The following COQ2 variants were observed in gnomAD, a reference collection of about 807,000 sequenced individuals.
COQ2 encodes coenzyme Q2, polyprenyltransferase.
COQ2 carries 25 observed loss-of-function variants against 35.7 expected under a neutral mutation model. The observed-to-expected ratio is 0.70, with a 90% CI of 0.51 to 0.98. The LOEUF (loss-of-function observed/expected upper bound fraction) is 0.98, where lower values mean the gene tolerates loss of function less well. COQ2 is among the 50% of genes least tolerant of loss of function. COQ2 has a pLI of 0.00. For synonymous variants in COQ2, 206 were observed against 186.2 expected (o/e 1.11, Z -0.86); for missense variants, 488 against 473.5 (o/e 1.03, Z -0.28).
chr4:83,267,808 A>T (rs1734959206), intron 5 of COQ2, 34 bp from the exon 6 acceptor site: 1 of 1,492,192 alleles, frequency 6.7e-7, no homozygotes, highest in Admixed American at 2.2e-5. Flanking sequence ...CTGTTTTTTG[A>T]GATTTAGTTC....
At chr4:83,277,974 ACACACACACACAC>A (rs1735224819) in intron 2 of COQ2, among the ~76,000 whole-genome samples, 1 of 176 alleles carries the variant, frequency 5.7e-3, no homozygotes, top group East Asian at 0.25. Flanking sequence ...CCATCTCAAA[ACACACACACACAC>A]ACACACACAC....
Position 83,267,612 on chromosome 4 carries a change from C to A in COQ2, c.925G>T (p.Ala309Ser), listed in dbSNP as rs771166601. ...TGGTGAGTCAGATGGGCTCCTACAG[C>A]ACCCAGGGCAGCGTAGTAGGGAGCA... is the stretch of plus-strand genomic sequence containing the variant. The part of the protein sequence containing the change: ...QTAPYYAALG[A>S]VGAHLTHQIY... Residue 309 changes from alanine to serine, a missense_variant, in exon 6 of 7, where the codon GCT becomes TCT. Ala to Ser is a moderately conservative substitution (Grantham distance 99). Coordinates refer to ENST00000647002, the MANE Select transcript of COQ2 (RefSeq NM_001358921.2). 6.9e-6 allele frequency: 11 copies of A among 1,583,518 alleles called. No homozygotes were observed. The Admixed American group carries it at 1.8e-4, about 26-fold the overall frequency.
rs756347745 is a variant in COQ2 at position 83,269,284 on chromosome 4, G to T, written c.762+576C>A. ...TTATGGCATGTTAAATTGGGGCATG[G>T]ACTATCTCATAGTCCATAGTCTTAA... On this transcript the variant is annotated intron_variant, in intron 5 of 6. Coordinates refer to ENST00000647002, the MANE Select transcript of COQ2 (RefSeq NM_001358921.2). Among the ~76,000 whole-genome samples, 119 of 152,106 alleles carry T rather than the reference G, an allele frequency of 7.8e-4. No individual in the cohort carries two copies. In the Middle Eastern group the frequency reaches 0.01, roughly 13 times the overall value.
chr4:83,283,035 A>G (rs1242378540), intron 1 of COQ2, among the ~76,000 whole-genome samples: 2 of 152,210 alleles, frequency 1.3e-5, no homozygotes, highest in Non-Finnish European at 2.9e-5. Flanking sequence ...TTGGAAATGC[A>G]TGCCTCTCAA....
chr4:83,269,006 G>T (rs1734985407), intron 5 of COQ2, among the ~76,000 whole-genome samples: 1 of 151,972 alleles, frequency 6.6e-6, no homozygotes, highest in Non-Finnish European at 1.5e-5. Flanking sequence ...ATTAAAGCTG[G>T]GGGAGAGTTT....
At chr4:83,276,068 T>TATATA (rs1408651634) in intron 2 of COQ2, among the ~76,000 whole-genome samples, 199 of 10,180 alleles carry the variant, frequency 0.02, no homozygotes, top group Admixed American at 0.028. Context: ...TAATATATAT[T>TATATA]TTATATATAA....
At chr4:83,281,294 G>C (rs1271874850) in intron 1 of COQ2, 1 of 152,094 alleles carries the variant, frequency 6.6e-6, no homozygotes, top group Non-Finnish European at 1.5e-5. Flanking sequence ...ATTATTTCCT[G>C]GTACAATTAG....
At chr4:83,273,376 T>C in intron 3 of COQ2, 120 bp downstream of exon 3, 1 of 1,029,360 alleles carries the variant, frequency 9.7e-7, no homozygotes, top group South Asian at 1.7e-5. Context: ...ACTTGCTAAC[T>C]TACAGATGCT....
intron 1 of COQ2, among the ~76,000 whole-genome samples, chr4:83,280,099 G>A (rs1411536594): frequency 6.6e-6 from 1 of 151,954 alleles, no homozygotes; most frequent in Non-Finnish European, 1.5e-5. Context: ...CAAAGTGCTG[G>A]GATTTTAAGT....
chr4:83,273,101 C>A (rs1735087659), intron 3 of COQ2, among the ~76,000 whole-genome samples: 1 of 152,306 alleles, frequency 6.6e-6, no homozygotes, highest in South Asian at 2.1e-4. Context: ...AGACATAGTT[C>A]CTCTTTTTGC....
chr4:83,269,831 C>T, intron 5 of COQ2, 29 bp downstream of exon 5: 1 of 1,504,282 alleles, frequency 6.6e-7, no homozygotes, highest in Non-Finnish European at 8.9e-7. Flanking sequence ...AACAACTAAA[C>T]CAAAGTTAAG....
chr4:83,281,990 C>T (rs1294111021), intron 1 of COQ2, among the ~76,000 whole-genome samples: 1 of 151,420 alleles, frequency 6.6e-6, no homozygotes, highest in Non-Finnish European at 1.5e-5. Flanking sequence ...CCATATGACA[C>T]TTTCATTCCC....
Position 83,279,021 on chromosome 4 carries a change from C to G in COQ2, c.347G>C (p.Gly116Ala), listed in dbSNP as rs1252636706. 2 of 1,606,798 alleles carry G rather than the reference C, an allele frequency of 1.2e-6. No individual in the cohort carries two copies. Among genetic ancestry groups the G allele is most frequent in the South Asian group, 2.2e-5 (2 of 89,460 alleles). ...FPDWYMLSLFGTGAILMRGAG... is the reference protein window; with the variant it reads ...FPDWYMLSLFATGAILMRGAG... ...TCCACGCATCAGAATAGCTCCAGTGCCAAAGAGGGAGAGCATGTACCAATC... is the reference window on the plus strand; with the variant it reads ...TCCACGCATCAGAATAGCTCCAGTGGCAAAGAGGGAGAGCATGTACCAATC... The change falls in exon 2 of 7, where the codon GGC (glycine) becomes GCC (alanine). Residue 116 changes from glycine (G) to alanine (A), a missense_variant. By Grantham distance (60) the Gly-to-Ala change is moderately conservative. Coordinates refer to ENST00000647002, the MANE Select transcript of COQ2 (RefSeq NM_001358921.2).
chr4:83,279,094 G>C lies in COQ2; in HGVS notation c.274C>G (p.Pro92Ala), dbSNP rs1025584033. 11 of 1,575,908 alleles carry C rather than the reference G, an allele frequency of 7.0e-6. No homozygotes were observed. The highest frequency in any genetic ancestry group is 5.8e-5 in the Admixed American group (3 of 52,110). ...GCCAAACCAATGCTCCAGGTACATG[G>C]TAAATACAGAAGCCAGGTTCCTAAG... Reference protein sequence around the residue: ...KPIGTWLLYLPCTWSIGLAAE... With the variant: ...KPIGTWLLYLACTWSIGLAAE... Residue 92 changes from proline to alanine, a missense_variant, in exon 2 of 7, where the codon CCA becomes GCA. By Grantham distance (27) the Pro-to-Ala change is conservative. Transcript: ENST00000647002.
intron 2 of COQ2, among the ~76,000 whole-genome samples, chr4:83,275,104 G>A (rs140086610): frequency 6.6e-6 from 1 of 152,234 alleles, no homozygotes; most frequent in Admixed American, 6.5e-5. Flanking sequence ...TATGATTGCT[G>A]CTTTAAAAAT....
rs1285307318 is a variant in COQ2 at position 83,279,071 on chromosome 4, C to T, written c.297G>A (p.Leu99=). ...LYLPCTWSIG[L]AAEPGCFPDW... Reference sequence around the variant, plus strand: ...CTGGAAAACAACCTGGTTCAGCTGCCAAACCAATGCTCCAGGTACATGGTA... The same window carrying T: ...CTGGAAAACAACCTGGTTCAGCTGCTAAACCAATGCTCCAGGTACATGGTA... Residue 99 remains leucine (L), a synonymous_variant, in exon 2 of 7, where the codon TTG becomes TTA. Coordinates refer to ENST00000647002, the MANE Select transcript of COQ2 (RefSeq NM_001358921.2). 1.3e-6 allele frequency: 2 copies of T among 1,593,636 alleles called. No individual in the cohort carries two copies. The highest frequency in any genetic ancestry group is 1.7e-6 in the Non-Finnish European group (2 of 1,169,802).
chr4:83,267,714 T>C lies in COQ2; in HGVS notation c.823A>G (p.Thr275Ala), dbSNP rs769971059. 18 of 1,553,440 alleles carry C rather than the reference T, an allele frequency of 1.2e-5. No individual in the cohort carries two copies. In the East Asian group the frequency reaches 3.2e-4, roughly 27 times the overall value. The change falls in exon 6 of 7, where the codon ACC (threonine) becomes GCC (alanine). Residue 275 changes from threonine to alanine, a missense_variant. Coordinates refer to ENST00000647002, the MANE Select transcript of COQ2 (RefSeq NM_001358921.2). ...KSTALRFGEN[T>A]KPWLSGFSVA... ...CTGAAGCCGCTGAGCCACGGCTTGG[T>C]ATTTTCTCCGAACCGCAGAGCCGTT...
Position 83,284,538 on chromosome 4 carries a change from C to A in COQ2, c.227G>T (p.Arg76Leu), listed in dbSNP as rs863223935. ...AATGGGCTTGTCCAACCGCATGAGG[C>A]GCAAGTACGGCTGCAGGGGGCGGGG... The part of the protein sequence containing the change: ...SAPRPLQPYL[R>L]LMRLDKPIGT... The change falls in exon 1 of 7, where the codon CGC (arginine) becomes CTC (leucine). Residue 76 changes from arginine (R) to leucine (L), a missense_variant. Transcript: ENST00000647002. The A allele has an allele frequency of 1.3e-6, 2 of 1,575,848 alleles. No homozygotes were observed. The highest frequency in any genetic ancestry group is 1.7e-6 in the Non-Finnish European group (2 of 1,162,550).
intron 6 of COQ2, 146 bp from the exon 7 acceptor site, chr4:83,264,509 T>G: frequency 8.2e-7 from 1 of 1,217,378 alleles, no homozygotes; most frequent in South Asian, 1.8e-5. Flanking sequence ...CGAAGGCACA[T>G]GCCTGTAGTC....
Sources: allele counts gnomAD v4.1 joint callset (sites outside exome capture counted in the v4.1 genomes callset), GRCh38; gene constraint gnomAD v4.1.1; transcripts MANE v1.5; gene names NCBI Gene and HGNC (gene_info 2026-07-23, HGNC 2026-07-21).